The following PTGER3 variants were observed in gnomAD, a reference collection of about 807,000 sequenced individuals.
The protein encoded by PTGER3 is prostaglandin E receptor 3.
Under a neutral mutation model 34.7 loss-of-function variants are expected in PTGER3, and 22 were observed. The ratio of observed to expected loss-of-function variants is 0.63; its 90% CI spans 0.45 to 0.91. The LOEUF (loss-of-function observed/expected upper bound fraction) is 0.91. Ranked by LOEUF, PTGER3 falls within the 40% of genes least tolerant of loss-of-function variation. PTGER3 has a pLI of 0.00. For synonymous variants in PTGER3, 241 were observed against 230.1 expected (o/e 1.05, Z -0.43); for missense variants, 468 against 519.4 (o/e 0.90, Z 0.96).
chr1:70,879,238 C>T, intron 4 of PTGER3, among the ~76,000 whole-genome samples: 1 of 139,370 alleles, frequency 7.2e-6, no homozygotes, highest in African/African-American at 2.7e-5. Context: ...TTCTGTCCTT[C>T]TTTTTGTTTT....
intron 2 of PTGER3, among the ~76,000 whole-genome samples, chr1:70,960,277 C>A (rs2100625674): frequency 6.6e-6 from 1 of 152,254 alleles, no homozygotes; most frequent in South Asian, 2.1e-4. Flanking sequence ...CACTAATACA[C>A]TTTCTTCACA....
chr1:70,970,862 G>A lies in PTGER3; in HGVS notation c.*868C>T, dbSNP rs140722404. 25 of 949,242 alleles carry A rather than the reference G, an allele frequency of 2.6e-5. No homozygotes were observed. The African/African-American group carries it at 4.1e-4, about 15-fold the overall frequency. The allele number at this position is 949,242 out of a possible 1,614,324, so 58.8% of individuals were successfully genotyped here. A position where few individuals can be genotyped will look rare whatever the true frequency, so the allele number is the denominator to read the frequency against. On this transcript the variant is annotated 3_prime_UTR_variant, in exon 4 of 4. Coordinates refer to ENST00000306666, the MANE Select transcript of PTGER3 (RefSeq NM_198719.2). ...ATTTTATAAAAACGTAATAAAGTTT[G>A]TTATTCAACAACTGTTATTTATTAA...
intron 4 of PTGER3, among the ~76,000 whole-genome samples, chr1:70,910,338 C>A (rs1407967863): frequency 3.3e-5 from 5 of 152,196 alleles, no homozygotes; most frequent in African/African-American, 1.2e-4. Flanking sequence ...GTGCCATAAT[C>A]TCTGGTCCAC....
chr1:70,865,256 C>A (rs12134247), intron 4 of PTGER3, among the ~76,000 whole-genome samples: 4 of 151,908 alleles, frequency 2.6e-5, no homozygotes, highest in Non-Finnish European at 4.4e-5. Flanking sequence ...GAACATGGGA[C>A]TATCAAAAGC....
intron 1 of PTGER3, among the ~76,000 whole-genome samples, chr1:71,044,183 TC>T (rs1014409135): frequency 1.4e-5 from 2 of 146,726 alleles, no homozygotes; most frequent in African/African-American, 4.9e-5. Flanking sequence ...ATGCCTGTAA[TC>T]CCAGCACTTT....
chr1:70,938,007 A>T (rs1260022636), intron 4 of PTGER3, among the ~76,000 whole-genome samples: 2 of 152,182 alleles, frequency 1.3e-5, no homozygotes, highest in African/African-American at 2.4e-5. Flanking sequence ...TCAAACTCAA[A>T]TTGTATAACT....
chr1:70,928,494 A>G lies in PTGER3; in HGVS notation c.*23+25269T>C, dbSNP rs954799161. ...ACAAAAAATAAAAAATTAGCCAGGC[A>G]TGGTGGCATGTGCTTATAGTCACAG... On this transcript the variant is annotated intron_variant, in intron 4 of 4. Transcript: ENST00000370931. Among the ~76,000 whole-genome samples, 7 of 151,916 alleles carry G rather than the reference A, an allele frequency of 4.6e-5. No individual in the cohort carries two copies. The East Asian group carries it at 1.4e-3, about 29-fold the overall frequency.
chr1:70,909,905 C>T (rs1647027469), intron 4 of PTGER3, among the ~76,000 whole-genome samples: 1 of 152,158 alleles, frequency 6.6e-6, no homozygotes, highest in Non-Finnish European at 1.5e-5. Flanking sequence ...ATTTGAAATG[C>T]TTACTTAATC....
intron 1 of PTGER3, among the ~76,000 whole-genome samples, chr1:71,017,486 T>C (rs76019462): frequency 0.022 from 3,408 of 152,268 alleles, 74 homozygotes; most frequent in Non-Finnish European, 0.037. Flanking sequence ...TGATATGGTC[T>C]AGCTCTGTGT....
intron 4 of PTGER3, among the ~76,000 whole-genome samples, chr1:70,899,290 G>C (rs1172258146): frequency 6.6e-6 from 1 of 152,124 alleles, no homozygotes; most frequent in Non-Finnish European, 1.5e-5. Context: ...GTGATACAAT[G>C]TAAGGAGTAG....
chr1:71,010,625 G>A, intron 2 of PTGER3: 2 of 984,680 alleles, frequency 2.0e-6, no homozygotes, highest in African/African-American at 1.7e-5. Flanking sequence ...AAAGTAGGTA[G>A]TTTTGTCTTA....
intron 1 of PTGER3, 96 bp from the exon 2 acceptor site, chr1:71,012,580 T>TGGTTGTTG (rs1470149910): frequency 2.3e-5 from 25 of 1,076,674 alleles, no homozygotes; most frequent in Non-Finnish European, 3.3e-5. Flanking sequence ...TTCAATAAAT[T>TGGTTGTTG]GGTTGTTGGA....
chr1:70,856,960 A>G (rs1340907836), intron 4 of PTGER3, among the ~76,000 whole-genome samples: 1 of 152,218 alleles, frequency 6.6e-6, no homozygotes, highest in African/African-American at 2.4e-5. Flanking sequence ...ATTTATGTCA[A>G]ACATAGAAAA....
intron 2 of PTGER3, among the ~76,000 whole-genome samples, chr1:70,975,892 T>G (rs1653645301): frequency 6.6e-6 from 1 of 152,136 alleles, no homozygotes; most frequent in South Asian, 2.1e-4. Flanking sequence ...TGTGAGAAGA[T>G]TCTCCATCTG....
At chr1:71,005,367 C>T (rs1220368698) in intron 2 of PTGER3, among the ~76,000 whole-genome samples, 1 of 152,184 alleles carries the variant, frequency 6.6e-6, no homozygotes, top group Non-Finnish European at 1.5e-5. Flanking sequence ...GAAAAAATAT[C>T]CTACAATGTC....
At chr1:70,912,868 A>T (rs1647090437) in intron 4 of PTGER3, among the ~76,000 whole-genome samples, 1 of 151,998 alleles carries the variant, frequency 6.6e-6, no homozygotes, top group Non-Finnish European at 1.5e-5. Context: ...GTCTATCTTT[A>T]TATCAGTATT....
intron 2 of PTGER3, among the ~76,000 whole-genome samples, chr1:70,955,685 A>G (rs1037575459): frequency 1.4e-4 from 22 of 152,192 alleles, no homozygotes; most frequent in African/African-American, 5.3e-4. Flanking sequence ...GTAGAAATAC[A>G]GGAAATAAAA....
chr1:71,015,222 T>C (rs1199519447), intron 1 of PTGER3, among the ~76,000 whole-genome samples: 1 of 152,162 alleles, frequency 6.6e-6, no homozygotes, highest in Non-Finnish European at 1.5e-5. Flanking sequence ...TGTGTGTGTG[T>C]GATATAACCA....
chr1:71,007,676 C>G (rs2100838742), intron 2 of PTGER3: 1 of 985,316 alleles, frequency 1.0e-6, no homozygotes, highest in African/African-American at 1.7e-5. Context: ...CACGCATTTC[C>G]CTCTGCTTAA....
Sources: gnomAD v4.1 joint callset for allele counts (sites outside exome capture counted in the v4.1 genomes callset) on GRCh38, gnomAD v4.1.1 for gene constraint, MANE v1.5 for transcripts, NCBI Gene and HGNC (gene_info 2026-07-23, HGNC 2026-07-21) for gene names.